Variants in CALN1 observed in about 807,000 individuals in gnomAD.
The protein encoded by CALN1 is calneuron 1.
In CALN1, 17 loss-of-function variants were observed where a neutral mutation model predicts 30.6. That is an observed-to-expected ratio of 0.56 (90% CI 0.38 to 0.83). The LOEUF is 0.83. CALN1 is among the 40% of genes least tolerant of loss of function. The pLI, the probability that CALN1 is intolerant of heterozygous loss-of-function variation, is 0.00. For missense variants in CALN1, 291 were observed against 354.9 expected, an observed-to-expected ratio of 0.82 and a Z score of 1.45; for synonymous variants, 156 against 131.4, an observed-to-expected ratio of 1.19 and a Z score of -1.28.
In CALN1 at chr7:72,439,537, A is replaced by C. The variant is rs533464403; in HGVS notation, c.-226+7505T>G. Among the ~76,000 whole-genome samples, 64 of 152,224 alleles carry C rather than the reference A, an allele frequency of 4.2e-4. 1 individual carries two copies. The South Asian group carries it at 0.01, about 24-fold the overall frequency. ...GAAAAAATATATTGACTATTCATTA[A>C]GTGGGAGTGGATCATCATAAAGGTC... On this transcript the variant is annotated intron_variant, in intron 1 of 6. Coordinates refer to the CALN1 transcript ENST00000395276.
At chr7:71,876,739 C>G in intron 5 of CALN1, among the ~76,000 whole-genome samples, 1 of 152,168 alleles carries the variant, frequency 6.6e-6, no homozygotes, top group East Asian at 1.9e-4. Context: ...TCAATAAATG[C>G]TAGCCATTTT....
intron 5 of CALN1, among the ~76,000 whole-genome samples, chr7:71,927,873 G>C (rs1317295954): frequency 3.9e-5 from 6 of 152,160 alleles, no homozygotes; most frequent in African/African-American, 1.2e-4. Flanking sequence ...GAACGGGAGA[G>C]TTTCTTGCTC....
intron 1 of CALN1, among the ~76,000 whole-genome samples, chr7:72,423,724 G>A (rs897343961): frequency 6.6e-6 from 1 of 151,972 alleles, no homozygotes; most frequent in African/African-American, 2.4e-5. Context: ...GGCTAAGGAG[G>A]AAGGATGGCT....
At chr7:72,341,681 G>C (rs1802392978) in intron 2 of CALN1, among the ~76,000 whole-genome samples, 1 of 152,122 alleles carries the variant, frequency 6.6e-6, no homozygotes, top group Non-Finnish European at 1.5e-5. Context: ...GCGTAAATTT[G>C]GGCAAGTTGT....
intron 6 of CALN1, among the ~76,000 whole-genome samples, chr7:71,788,684 G>GTC (rs1394730459): frequency 6.6e-6 from 1 of 151,518 alleles, no homozygotes; most frequent in African/African-American, 2.4e-5. Flanking sequence ...TGATACTGGA[G>GTC]TCTCTCTCTG....
chr7:72,282,351 T>C (rs1013269509), intron 2 of CALN1, among the ~76,000 whole-genome samples: 6 of 152,240 alleles, frequency 3.9e-5, no homozygotes, highest in Non-Finnish European at 7.3e-5. Context: ...GAAAACAATC[T>C]TTCTGTGTTT....
At chr7:72,391,815 T>C (rs912792337) in intron 2 of CALN1, among the ~76,000 whole-genome samples, 1 of 152,054 alleles carries the variant, frequency 6.6e-6, no homozygotes, top group Non-Finnish European at 1.5e-5. Flanking sequence ...GAACTGTGGG[T>C]CCATGAACCC....
At chr7:72,156,734 C>T (rs62462832) in intron 3 of CALN1, among the ~76,000 whole-genome samples, 38,628 of 152,204 alleles carry the variant, frequency 0.25, 5,959 homozygotes, top group Non-Finnish European at 0.35. Flanking sequence ...ATAATCTCCT[C>T]ACTCTGAGGG....
intron 5 of CALN1, among the ~76,000 whole-genome samples, chr7:72,014,603 T>G (rs1290000220): frequency 6.6e-6 from 1 of 152,234 alleles, no homozygotes; most frequent in Non-Finnish European, 1.5e-5. Flanking sequence ...GCTTTAGAAA[T>G]GTTCTGTACC....
intron 1 of CALN1, among the ~76,000 whole-genome samples, chr7:72,431,705 G>A (rs887536513): frequency 6.6e-6 from 1 of 152,120 alleles, no homozygotes; most frequent in African/African-American, 2.4e-5. Flanking sequence ...TACCGAGTGT[G>A]GTCATGCGTG....
chr7:72,454,644 T>C, the CALN1 span, among the ~76,000 whole-genome samples: 6 of 152,072 alleles, frequency 3.9e-5, no homozygotes, highest in Non-Finnish European at 7.3e-5. Context: ...GGAGCAAAAA[T>C]GTGGGGAGAG....
At chr7:72,437,156 AG>A (rs1389836237) in intron 1 of CALN1, among the ~76,000 whole-genome samples, 1 of 151,868 alleles carries the variant, frequency 6.6e-6, no homozygotes, top group Non-Finnish European at 1.5e-5. Flanking sequence ...TAGGAGGGAG[AG>A]TTTTGAAAAT....
At chr7:71,914,377 C>T (rs1794583801) in intron 5 of CALN1, among the ~76,000 whole-genome samples, 1 of 152,228 alleles carries the variant, frequency 6.6e-6, no homozygotes. Flanking sequence ...TTGCGAAGGA[C>T]ATGATCTCAT....
At position 72,285,361 on chromosome 7, in the gene CALN1, A is replaced by G. The variant is rs182630844; in HGVS notation, c.120-6551T>C. On this transcript the variant is annotated intron_variant, in intron 2 of 6. Transcript: ENST00000395275. Reference sequence around the variant, plus strand: ...CGGGTTCATGCCATTCTCCTGCCTCAGCCTCCCAAGTAGCTGGGATTACAG... The same window carrying G: ...CGGGTTCATGCCATTCTCCTGCCTCGGCCTCCCAAGTAGCTGGGATTACAG... Among the ~76,000 whole-genome samples the G allele has an allele frequency of 1.3e-3, 201 of 152,254 alleles. 1 individual carries two copies. Among genetic ancestry groups the G allele is most frequent in the African/African-American group, 4.6e-3 (192 of 41,548 alleles).
chr7:72,296,337 G>C (rs1798853200), intron 2 of CALN1, among the ~76,000 whole-genome samples: 1 of 138,162 alleles, frequency 7.2e-6, no homozygotes, highest in Non-Finnish European at 1.6e-5. Context: ...TTTTGGTTGT[G>C]TCTCTGCCCG....
In CALN1 at chr7:71,898,426, C is replaced by T. The variant is rs143056283; in HGVS notation, c.502-87934G>A. 9.9e-5 allele frequency among the ~76,000 whole-genome samples: 15 copies of T among 152,180 alleles called. No individual in the cohort carries two copies. The East Asian group carries it at 2.7e-3, about 27-fold the overall frequency. On this transcript the variant is annotated intron_variant, in intron 5 of 6. Transcript: ENST00000395275. The stretch of plus-strand genomic sequence containing the variant: ...CATGGCTGATAAAAGGATTTAGGAA[C>T]TGAAATGTAGGTCAAAATGAATACT...
intron 5 of CALN1, among the ~76,000 whole-genome samples, chr7:71,914,974 T>G (rs2117021797): frequency 6.6e-6 from 1 of 152,196 alleles, no homozygotes; most frequent in Non-Finnish European, 1.5e-5. Context: ...TGCAAAATGG[T>G]TTTAACTCTT....
intron 6 of CALN1, among the ~76,000 whole-genome samples, chr7:71,799,450 TTTAGTTAGTTAGTTAGTTAG>T (rs199886231): frequency 1.3e-4 from 9 of 69,032 alleles, no homozygotes; most frequent in African/African-American, 3.2e-4. Flanking sequence ...TATTTATTTA[TTTAGTTAGTTAGTTAGTTAG>T]TTAGTTAGTT....
intron 5 of CALN1, among the ~76,000 whole-genome samples, chr7:71,842,431 A>G (rs1789990758): frequency 6.6e-6 from 1 of 152,212 alleles, no homozygotes. Flanking sequence ...CTCACCTAAG[A>G]TCAAGGGATG....
Sources: gnomAD v4.1 joint callset for allele counts (sites outside exome capture counted in the v4.1 genomes callset) on GRCh38, gnomAD v4.1.1 for gene constraint, MANE v1.5 for transcripts, NCBI Gene and HGNC (gene_info 2026-07-23, HGNC 2026-07-21) for gene names.